Variants in B4GALNT3 observed in about 807,000 individuals in gnomAD.
The protein encoded by B4GALNT3 is beta-1,4-N-acetylgalactosaminyltransferase 3.
Under a neutral mutation model 120.2 loss-of-function variants are expected in B4GALNT3, and 86 were observed. The observed-to-expected ratio is 0.72, with a 90% confidence interval of 0.60 to 0.86. The LOEUF (loss-of-function observed/expected upper bound fraction) is 0.86. B4GALNT3 is among the 40% of genes least tolerant of loss of function. The pLI, the probability that B4GALNT3 is intolerant of heterozygous loss-of-function variation, is 0.00. For synonymous variants in B4GALNT3, 518 were observed against 510.4 expected (o/e 1.01, Z -0.20); for missense variants, 1,167 against 1,298.9 (o/e 0.90, Z 1.56).
At chr12:513,407 C>T (rs1225902808) in intron 1 of B4GALNT3, among the ~76,000 whole-genome samples, 2 of 152,338 alleles carry the variant, frequency 1.3e-5, no homozygotes, top group Admixed American at 6.5e-5. Context: ...GTGGGTTATT[C>T]GTGCCTCTCA....
In B4GALNT3 at chr12:553,381, G is replaced by C. The variant is rs1369281049; in HGVS notation, c.1458G>C (p.Leu486=). 8 of 1,613,842 alleles carry C rather than the reference G, an allele frequency of 5.0e-6. No homozygotes were observed. The highest frequency in any genetic ancestry group is 3.3e-4 in the Middle Eastern group (2 of 6,062). The stretch of plus-strand genomic sequence containing the variant: ...TCCTGGCTCAGCCCCGGGAGGGCCT[G>C]CTGGCCCCCTTCTCCAAGCGGAACT... ...RKLLAQPREG[L]LAPFSKRNST... The change falls in exon 14 of 20, where the codon CTG becomes CTC. Residue 486 remains leucine (L), a synonymous_variant. Transcript: ENST00000266383.
At chr12:480,503 A>ACATTACGGAAGGCTTGACGGCCTGGTTC (rs142297546) in intron 1 of B4GALNT3, among the ~76,000 whole-genome samples, 25 of 150,246 alleles carry the variant, frequency 1.7e-4, no homozygotes, top group African/African-American at 2.9e-4. Flanking sequence ...GGTCCCCCTG[A>ACATTACGGAAGGCTTGACGGCCTGGTTC]CTGACATTAT....
rs1020052799 is a variant in B4GALNT3, at chr12:561,776, G to A, written c.*325G>A. 4.0e-6 allele frequency: 1 copy of A among 252,634 alleles called. No homozygotes were observed. The highest frequency in any genetic ancestry group is 7.7e-6 in the Non-Finnish European group (1 of 129,858). 15.6% of individuals were successfully genotyped at this position (252,634 alleles called of 1,614,324 possible). On this transcript the variant is annotated 3_prime_UTR_variant, in exon 20 of 20. Transcript: ENST00000266383. ...GAGCGACACCATCCTCATCCATGAA[G>A]GTGCACGCCCACATCCCCCAAGCGC...
intron 1 of B4GALNT3, among the ~76,000 whole-genome samples, chr12:500,561 T>C (rs1308987823): frequency 6.6e-6 from 1 of 152,182 alleles, no homozygotes; most frequent in East Asian, 1.9e-4. Context: ...GGCTTTCTAG[T>C]ATGGACATTC....
chr12:511,754 TCTTCCA>T (rs1946568945), intron 1 of B4GALNT3, among the ~76,000 whole-genome samples: 30 of 45,596 alleles, frequency 6.6e-4, no homozygotes, highest in African/African-American at 1.7e-3. Context: ...CCTTCCACCT[TCTTCCA>T]CCTTCCACCT....
At chr12:541,925 C>T (rs113894491) in intron 3 of B4GALNT3, among the ~76,000 whole-genome samples, 375 of 150,714 alleles carry the variant, frequency 2.5e-3, no homozygotes, top group African/African-American at 8.4e-3. Flanking sequence ...CCCTCCCCCA[C>T]TGCCCTCCCT....
chr12:469,174 G>T (rs1946111163), intron 1 of B4GALNT3, among the ~76,000 whole-genome samples: 1 of 152,234 alleles, frequency 6.6e-6, no homozygotes, highest in Non-Finnish European at 1.5e-5. Context: ...TGAAGGCAGG[G>T]CAAGGTTCCA....
chr12:556,395 G>A (rs947555131), intron 14 of B4GALNT3, 152 bp from the exon 15 acceptor site: 35 of 689,210 alleles, frequency 5.1e-5, no homozygotes, highest in East Asian at 3.0e-4. Context: ...GAGAGATTGC[G>A]AATCTTGCCT....
chr12:540,419 G>A (rs1336207011), intron 3 of B4GALNT3: 1 of 152,260 alleles, frequency 6.6e-6, no homozygotes, highest in Non-Finnish European at 1.5e-5. Context: ...ACACAGGGGA[G>A]GGAGCTGTTC....
intron 1 of B4GALNT3, among the ~76,000 whole-genome samples, chr12:512,165 A>ACCTTCCG (rs1170221103): frequency 2.0e-5 from 1 of 50,140 alleles, no homozygotes; most frequent in Non-Finnish European, 3.2e-5. Flanking sequence ...TCCGCCTTCC[A>ACCTTCCG]CCTTCCGCCT....
chr12:556,145 T>C (rs933264809), intron 14 of B4GALNT3, among the ~76,000 whole-genome samples: 3 of 152,182 alleles, frequency 2.0e-5, no homozygotes, highest in African/African-American at 7.2e-5. Context: ...GTGGTTTTGA[T>C]TTTTATTTCT....
At chr12:517,414 C>T (rs1565600410) in intron 1 of B4GALNT3, among the ~76,000 whole-genome samples, 2 of 152,046 alleles carry the variant, frequency 1.3e-5, no homozygotes, top group Non-Finnish European at 2.9e-5. Context: ...GGGAGGTAAA[C>T]ATATGTTACT....
In B4GALNT3 at chr12:559,289, C is replaced by T. The variant is rs1729033408; in HGVS notation, c.2762-6C>T. 6.2e-7 allele frequency: 1 copy of T among 1,613,914 alleles called. No homozygotes were observed. The highest frequency in any genetic ancestry group is 1.3e-5 in the African/African-American group (1 of 75,058). ...CATCTCACCCGAAGCTCCTGTCTGT[C>T]CACAGGCTACTGGGAGGTGAATGGG... On this transcript the variant is annotated splice_polypyrimidine_tract_variant and splice_region_variant and intron_variant, in intron 18 of 19. Coordinates refer to ENST00000266383, the MANE Select transcript of B4GALNT3 (RefSeq NM_173593.4).
At chr12:545,983 GAT>G in intron 6 of B4GALNT3, among the ~76,000 whole-genome samples, 2 of 115,262 alleles carry the variant, frequency 1.7e-5, no homozygotes, top group Non-Finnish European at 3.7e-5. Context: ...GGAGTGGGGA[GAT>G]GAGAGGAGTG....
At chr12:497,046 G>C (rs1946395827) in intron 1 of B4GALNT3, among the ~76,000 whole-genome samples, 1 of 152,094 alleles carries the variant, frequency 6.6e-6, no homozygotes, top group African/African-American at 2.4e-5. Flanking sequence ...TGTTTCTCAG[G>C]CTGGTCTCAA....
At chr12:537,729 C>G (rs57717711) in intron 3 of B4GALNT3, among the ~76,000 whole-genome samples, 23,714 of 152,192 alleles carry the variant, frequency 0.16, 2,121 homozygotes, top group African/African-American at 0.23. Context: ...TAGAACCCAG[C>G]GTCTTTAGTC....
chr12:463,849 G>T (rs1290989865), intron 1 of B4GALNT3, among the ~76,000 whole-genome samples: 1 of 152,188 alleles, frequency 6.6e-6, no homozygotes, highest in Non-Finnish European at 1.5e-5. Context: ...GAAACAGAGG[G>T]TATAAGAAGA....
chr12:512,289 AC>A (rs1946588997), intron 1 of B4GALNT3, among the ~76,000 whole-genome samples: 1 of 51,186 alleles, frequency 2.0e-5, no homozygotes, highest in Non-Finnish European at 3.2e-5. Flanking sequence ...TCCACCTTCC[AC>A]CTTCTTCCAC....
In B4GALNT3 at chr12:544,178, C is replaced by T. The variant is rs1442395892; in HGVS notation, c.352-161C>T. 4.7e-5 allele frequency among the ~76,000 whole-genome samples: 7 copies of T among 148,592 alleles called. No homozygotes were observed. In the East Asian group the frequency reaches 1.4e-3, roughly 30 times the overall value. ...GGATCTGGGGCGGGTGTGGGATGCT[C>T]ATCCTCCTGGAGCTGAGGCTCTGGG... On this transcript the variant is annotated intron_variant, in intron 3 of 19. Transcript: ENST00000266383.
Sources: allele counts gnomAD v4.1 joint callset (sites outside exome capture counted in the v4.1 genomes callset), GRCh38; gene constraint gnomAD v4.1.1; transcripts MANE v1.5; gene names NCBI Gene and HGNC (gene_info 2026-07-23, HGNC 2026-07-21).